Variants in SIDT1 observed in about 807,000 individuals in gnomAD.
SIDT1 encodes the protein SID1 transmembrane family, member 1.
A neutral mutation model predicts 107.5 loss-of-function variants in SIDT1; 101 were observed. The observed-to-expected ratio is 0.94, with a 90% CI of 0.80 to 1.11. The LOEUF is 1.11. Among genes scored for constraint, SIDT1 ranks in the 50% least tolerant of loss-of-function variants. The pLI is 0.00. For missense variants in SIDT1, 1,076 were observed against 1,058.2 expected, an observed-to-expected ratio of 1.02 and a Z score of -0.23; for synonymous variants, 395 against 398.2, an observed-to-expected ratio of 0.99 and a Z score of 0.10.
the SIDT1 span, among the ~76,000 whole-genome samples, chr3:113,634,715 A>C: frequency 1.3e-5 from 2 of 152,040 alleles, no homozygotes; most frequent in African/African-American, 4.8e-5. Context: ...GAGGCAGGAG[A>C]ATCTCTTGAA....
chr3:113,566,511 C>T lies in SIDT1; in HGVS notation c.314C>T (p.Ser105Phe). 6.2e-7 allele frequency: 1 copy of T among 1,614,132 alleles called. No homozygotes were observed. Among genetic ancestry groups the T allele is most frequent in the Non-Finnish European group, 8.5e-7 (1 of 1,180,006 alleles). ...GTTCGCCAGCAGAAAGAGGTGCTGT[C>T]CTGGCAGGTTCCTCTGCTCTTCCAA... ...VVVRQQKEVL[S>F]WQVPLLFQGL... Residue 105 changes from serine to phenylalanine, a missense_variant, in exon 2 of 25, where the codon TCC (serine) becomes TTC (phenylalanine). Physicochemically the swap from Ser to Phe is radical, Grantham distance 155. Transcript: ENST00000264852.
intron 1 of SIDT1, among the ~76,000 whole-genome samples, chr3:113,533,979 T>C (rs1240619293): frequency 1.3e-5 from 2 of 152,214 alleles, no homozygotes; most frequent in African/African-American, 2.4e-5. Flanking sequence ...CTTTGACATA[T>C]ATACTCCGAT....
intron 21 of SIDT1, among the ~76,000 whole-genome samples, chr3:113,620,993 G>A (rs1946427850): frequency 6.6e-6 from 1 of 152,272 alleles, no homozygotes; most frequent in South Asian, 2.1e-4. Flanking sequence ...GGATGGAGGT[G>A]CAATGACAGA....
intron 19 of SIDT1, chr3:113,612,487 CTT>C (rs1490087060): frequency 6.0e-6 from 3 of 498,434 alleles, no homozygotes; most frequent in South Asian, 3.2e-5. Context: ...GTCTGCCAAA[CTT>C]TGACTTGTAT....
chr3:113,553,944 G>A (rs577462782), intron 1 of SIDT1, among the ~76,000 whole-genome samples: 2 of 152,222 alleles, frequency 1.3e-5, no homozygotes, highest in Non-Finnish European at 2.9e-5. Context: ...CTACTTGGGA[G>A]GTTGAGGCAG....
At chr3:113,577,041 A>G in intron 4 of SIDT1, 74 bp downstream of exon 4, 1 of 1,414,184 alleles carries the variant, frequency 7.1e-7, no homozygotes, top group African/African-American at 1.4e-5. Flanking sequence ...AAACCATGTT[A>G]CCCTGGTAGA....
intron 3 of SIDT1, among the ~76,000 whole-genome samples, chr3:113,574,952 G>T (rs1942783344): frequency 6.6e-6 from 1 of 151,934 alleles, no homozygotes; most frequent in Admixed American, 6.6e-5. Context: ...CCTCTGTTAG[G>T]GTTCATGTGG....
downstream of SIDT1, among the ~76,000 whole-genome samples, chr3:113,630,009 C>G (rs1037773281): frequency 7.2e-5 from 11 of 152,156 alleles, no homozygotes; most frequent in African/African-American, 2.4e-4. Flanking sequence ...TACACAAGGG[C>G]TGGGGCAGAG....
chr3:113,615,846 T>G, intron 19 of SIDT1, among the ~76,000 whole-genome samples: 1 of 152,234 alleles, frequency 6.6e-6, no homozygotes, highest in East Asian at 1.9e-4. Context: ...CCACCCATGT[T>G]ATTTGTGAGT....
At chr3:113,558,513 A>G (rs1053019570) in intron 1 of SIDT1, among the ~76,000 whole-genome samples, 1 of 152,198 alleles carries the variant, frequency 6.6e-6, no homozygotes, top group African/African-American at 2.4e-5. Context: ...ACAGCCTCAG[A>G]AAGCAAACAA....
downstream of SIDT1, among the ~76,000 whole-genome samples, chr3:113,631,902 CCTT>C (rs372327275): frequency 7.1e-4 from 108 of 152,262 alleles, 1 homozygote; most frequent in African/African-American, 2.2e-3. Flanking sequence ...AAGATCCCTG[CCTT>C]CTTCTTAAAT....
In SIDT1 at chr3:113,603,038, C is replaced by A; in HGVS notation, c.1151C>A (p.Ser384Tyr). ...ESSSSPGRQM[S>Y]SSDGGPPGQS... ...AGCTCCAGTCCTGGAAGGCAGATGT[C>A]CTCCTCCGATGGTGGGCCACCGGGC... Residue 384 changes from serine (S) to tyrosine (Y), a missense_variant, in exon 12 of 25, where the codon TCC becomes TAC. Ser to Tyr is a moderately radical substitution (Grantham distance 144). Coordinates refer to ENST00000264852, the MANE Select transcript of SIDT1 (RefSeq NM_017699.3). 6.2e-7 allele frequency: 1 copy of A among 1,614,100 alleles called. No individual in the cohort carries two copies. Among genetic ancestry groups the A allele is most frequent in the African/African-American group, 1.3e-5 (1 of 75,028 alleles).
intron 1 of SIDT1, among the ~76,000 whole-genome samples, chr3:113,547,179 C>A (rs1430401523): frequency 6.6e-6 from 1 of 152,076 alleles, no homozygotes; most frequent in Non-Finnish European, 1.5e-5. Context: ...CTGTTTTGGT[C>A]ATTACACATT....
chr3:113,591,994 T>C (rs1944192991), intron 9 of SIDT1, among the ~76,000 whole-genome samples: 1 of 152,216 alleles, frequency 6.6e-6, no homozygotes, highest in Non-Finnish European at 1.5e-5. Flanking sequence ...TACTACAGCA[T>C]GGATGAACCT....
At chr3:113,557,069 A>C (rs1576753280) in intron 1 of SIDT1, among the ~76,000 whole-genome samples, 2 of 152,088 alleles carry the variant, frequency 1.3e-5, no homozygotes, top group East Asian at 3.9e-4. Context: ...CCTCCTCCCA[A>C]AGTGCTGGAA....
intron 1 of SIDT1, among the ~76,000 whole-genome samples, chr3:113,534,580 C>A (rs889809809): frequency 6.6e-6 from 1 of 152,214 alleles, no homozygotes; most frequent in Non-Finnish European, 1.5e-5. Context: ...GCCATATACC[C>A]AGCCTCTTTC....
intron 9 of SIDT1, among the ~76,000 whole-genome samples, chr3:113,587,620 T>C (rs1163313368): frequency 2.6e-5 from 4 of 152,228 alleles, no homozygotes; most frequent in African/African-American, 9.6e-5. Flanking sequence ...CATGGTTCCA[T>C]TTGCCTTTCA....
rs573193384 is a variant in SIDT1, at chr3:113,561,330, G to A, written c.223-5090G>A. Among the ~76,000 whole-genome samples, 39 of 152,106 alleles carry A rather than the reference G, an allele frequency of 2.6e-4. No homozygotes were observed. The South Asian group carries it at 6.4e-3, about 25-fold the overall frequency. On this transcript the variant is annotated intron_variant, in intron 1 of 24. Coordinates refer to ENST00000264852, the MANE Select transcript of SIDT1 (RefSeq NM_017699.3). ...TATCTCCTACTCTAATATATTTTTC[G>A]CAATTTATTATGCCAGTATCTCTGA...
intron 1 of SIDT1, among the ~76,000 whole-genome samples, chr3:113,561,592 C>T (rs189918996): frequency 6.6e-6 from 1 of 152,110 alleles, no homozygotes; most frequent in African/African-American, 2.4e-5. Context: ...GGGCAGTTGG[C>T]GAGTTGCTGA....
Sources: allele counts gnomAD v4.1 joint callset (sites outside exome capture counted in the v4.1 genomes callset), GRCh38; gene constraint gnomAD v4.1.1; transcripts MANE v1.5; gene names NCBI Gene and HGNC (gene_info 2026-07-23, HGNC 2026-07-21).